Variants in OCA2 observed in about 807,000 individuals in gnomAD.
The protein encoded by OCA2 is P protein.
Under a neutral mutation model 100.2 loss-of-function variants are expected in OCA2, and 77 were observed. The observed-to-expected ratio is 0.77, with a 90% CI of 0.64 to 0.93. The LOEUF (loss-of-function observed/expected upper bound fraction) is 0.93, where lower values mean the gene tolerates loss of function less well. Ranked by LOEUF, OCA2 falls within the 40% of genes least tolerant of loss-of-function variation. The probability of loss-of-function intolerance (pLI) is 0.00; values close to 1 mark genes in which losing one functional copy is unlikely to be tolerated. For missense variants in OCA2, 1,062 were observed against 1,089.1 expected (o/e 0.98, Z 0.35); for synonymous variants, 432 against 439.2 (o/e 0.98, Z 0.21).
At chr15:27,901,410 C>G (rs936030515) in intron 19 of OCA2, among the ~76,000 whole-genome samples, 5 of 152,188 alleles carry the variant, frequency 3.3e-5, no homozygotes, top group African/African-American at 9.7e-5. Context: ...AACAAGGTCA[C>G]TGAATCTCCT....
chr15:28,005,240 G>A (rs993451769), intron 9 of OCA2, among the ~76,000 whole-genome samples: 2 of 152,056 alleles, frequency 1.3e-5, no homozygotes, highest in Admixed American at 6.5e-5. Context: ...TCCACAGAAA[G>A]GGCTGGGGGG....
At chr15:28,049,744 T>TATC (rs1301146246) in intron 2 of OCA2, among the ~76,000 whole-genome samples, 1 of 152,134 alleles carries the variant, frequency 6.6e-6, no homozygotes, top group Non-Finnish European at 1.5e-5. Context: ...GTGTATGAAA[T>TATC]ATCTACAAAA....
intron 19 of OCA2, among the ~76,000 whole-genome samples, chr15:27,879,596 G>A (rs542358373): frequency 5.9e-5 from 9 of 152,230 alleles, no homozygotes; most frequent in African/African-American, 2.2e-4. Context: ...TTTCTTTAAC[G>A]ATTAGTGATG....
chr15:27,885,354 A>C (rs2037181743), intron 19 of OCA2, among the ~76,000 whole-genome samples: 1 of 152,162 alleles, frequency 6.6e-6, no homozygotes. Context: ...ACTGGCAGAG[A>C]CACAAATAAA....
intron 19 of OCA2, among the ~76,000 whole-genome samples, chr15:27,909,925 G>A (rs2038321589): frequency 6.6e-6 from 1 of 151,946 alleles, no homozygotes; most frequent in South Asian, 2.1e-4. Flanking sequence ...ACTATAAAAA[G>A]TCACAAAACA....
intron 19 of OCA2, among the ~76,000 whole-genome samples, chr15:27,878,936 C>T (rs2036899295): frequency 6.6e-6 from 1 of 152,100 alleles, no homozygotes; most frequent in Admixed American, 6.6e-5. Flanking sequence ...TGGTAGTTTG[C>T]TGCACCTATC....
chr15:27,982,487 G>A (rs2041200456), intron 14 of OCA2, among the ~76,000 whole-genome samples: 1 of 152,172 alleles, frequency 6.6e-6, no homozygotes, highest in Non-Finnish European at 1.5e-5. Context: ...GGCAAAGTTG[G>A]TGAAGTGTTG....
chr15:27,723,946 G>A, the OCA2 span, among the ~76,000 whole-genome samples: 9 of 152,200 alleles, frequency 5.9e-5, no homozygotes, highest in African/African-American at 1.7e-4. Context: ...CCTCTTCAAC[G>A]CTTGCCTCTT....
chr15:28,040,262 C>T (rs2043164826), intron 2 of OCA2, among the ~76,000 whole-genome samples: 1 of 152,126 alleles, frequency 6.6e-6, no homozygotes, highest in African/African-American at 2.4e-5. Flanking sequence ...CACAGTCTGG[C>T]ATTTTGTGAT....
chr15:27,720,330 G>A, the OCA2 span, among the ~76,000 whole-genome samples: 3 of 151,362 alleles, frequency 2.0e-5, no homozygotes, highest in East Asian at 1.9e-4. Flanking sequence ...CTTAGCAATC[G>A]GGGGAGAAAT....
chr15:27,847,099 T>C (rs1459536874), intron 22 of OCA2, among the ~76,000 whole-genome samples: 1 of 152,100 alleles, frequency 6.6e-6, no homozygotes, highest in Non-Finnish European at 1.5e-5. Context: ...TTCTCAGCCA[T>C]CCCCTTGCAG....
the OCA2 span, among the ~76,000 whole-genome samples, chr15:27,748,040 A>C: frequency 3.3e-5 from 5 of 152,322 alleles, no homozygotes; most frequent in East Asian, 9.7e-4. Flanking sequence ...TTCCTGGCCC[A>C]GCCTAGCTAC....
At chr15:27,764,638 C>T (rs1185066562) in intron 23 of OCA2, among the ~76,000 whole-genome samples, 6 of 152,240 alleles carry the variant, frequency 3.9e-5, no homozygotes, top group Non-Finnish European at 7.4e-5. Flanking sequence ...AAGGTAGAGT[C>T]CAGTGGAGCA....
At chr15:27,939,156 C>T (rs1264517460) in intron 18 of OCA2, among the ~76,000 whole-genome samples, 1 of 152,192 alleles carries the variant, frequency 6.6e-6, no homozygotes, top group Non-Finnish European at 1.5e-5. Context: ...TGAACTAGAA[C>T]ATCTATGACA....
intron 23 of OCA2, among the ~76,000 whole-genome samples, chr15:27,803,448 A>C (rs1211275449): frequency 6.6e-6 from 1 of 152,226 alleles, no homozygotes; most frequent in Non-Finnish European, 1.5e-5. Flanking sequence ...CCTTGAGGAC[A>C]CTGGCGACAT....
intron 11 of OCA2, among the ~76,000 whole-genome samples, chr15:27,988,491 C>T (rs909474103): frequency 1.3e-5 from 2 of 151,884 alleles, no homozygotes; most frequent in Non-Finnish European, 2.9e-5. Context: ...ATCAGAAACA[C>T]ACGGGGAAGA....
At chr15:28,069,368 C>G (rs1227817384) in intron 2 of OCA2, among the ~76,000 whole-genome samples, 1 of 14,570 alleles carries the variant, frequency 6.9e-5, no homozygotes, top group African/African-American at 6.7e-4. Context: ...CTCTCCCTCT[C>G]CCTCTCCCTC....
chr15:27,820,230 C>T (rs555217371), intron 23 of OCA2, among the ~76,000 whole-genome samples: 23 of 152,318 alleles, frequency 1.5e-4, no homozygotes, highest in Non-Finnish European at 2.8e-4. Flanking sequence ...CCTCCTCGAG[C>T]GGGGAGCAAA....
At chr15:27,910,673 T>C (rs2038357384) in intron 19 of OCA2, among the ~76,000 whole-genome samples, 1 of 149,506 alleles carries the variant, frequency 6.7e-6, no homozygotes, top group South Asian at 2.1e-4. Flanking sequence ...AAAAAAAACA[T>C]ACGGCTGGGT....
Sources: gnomAD v4.1 joint callset for allele counts (sites outside exome capture counted in the v4.1 genomes callset) on GRCh38, gnomAD v4.1.1 for gene constraint, MANE v1.5 for transcripts, NCBI Gene and HGNC (gene_info 2026-07-23, HGNC 2026-07-21) for gene names.